RAD50: variants seen among roughly 807,000 people sequenced by gnomAD.
RAD50 encodes RAD50 double strand break repair protein.
In RAD50, 132 loss-of-function variants were observed where a neutral mutation model predicts 168.8. The observed-to-expected ratio is 0.78, with a 90% CI of 0.68 to 0.90. The LOEUF (loss-of-function observed/expected upper bound fraction) is 0.90. RAD50 is among the 40% of genes least tolerant of loss of function. RAD50 has a pLI of 0.00. For missense variants in RAD50, 1,347 were observed against 1,534.4 expected, an observed-to-expected ratio of 0.88 and a Z score of 2.04; for synonymous variants, 525 against 497.4, an observed-to-expected ratio of 1.06 and a Z score of -0.74.
chr5:132,631,923 G>A (rs1345345439), intron 21 of RAD50, among the ~76,000 whole-genome samples: 1 of 152,112 alleles, frequency 6.6e-6, no homozygotes, highest in Admixed American at 6.6e-5. Flanking sequence ...ACCTATTACC[G>A]TGGCACCTTT....
intron 2 of RAD50, among the ~76,000 whole-genome samples, chr5:132,565,030 A>C (rs886737442): frequency 2.0e-5 from 3 of 151,994 alleles, no homozygotes; most frequent in Non-Finnish European, 4.4e-5. Context: ...GGTTGGGGTG[A>C]TTGGATCATG....
At chr5:132,571,060 A>G (rs1167709966) in intron 2 of RAD50, among the ~76,000 whole-genome samples, 2 of 152,128 alleles carry the variant, frequency 1.3e-5, no homozygotes, top group Non-Finnish European at 2.9e-5. Flanking sequence ...AGCAGTCAGG[A>G]CACACACGTT....
chr5:132,603,207 T>C, intron 13 of RAD50, 93 bp from the exon 14 acceptor site: 1 of 1,149,270 alleles, frequency 8.7e-7, no homozygotes, highest in Admixed American at 2.2e-5. Context: ...GAACACAATG[T>C]CACTTCTGTG....
intron 21 of RAD50, among the ~76,000 whole-genome samples, chr5:132,622,471 T>TG (rs1751302858): frequency 6.6e-6 from 1 of 152,206 alleles, no homozygotes; most frequent in African/African-American, 2.4e-5. Flanking sequence ...TGATGTATTT[T>TG]CTTCCTTTGT....
rs1233183992 is a variant in RAD50, at chr5:132,638,240, C to G, written c.3618+17C>G. On this transcript the variant is annotated intron_variant, in intron 23 of 24. Transcript: ENST00000378823. ...GGACAAAAGGCAGGTATCTCAAAAG[C>G]CTGGGGAGCCAACTCACCCAAGTAA... 1.2e-6 allele frequency: 2 copies of G among 1,613,964 alleles called. No homozygotes were observed. The highest frequency in any genetic ancestry group is 1.3e-5 in the African/African-American group (1 of 75,022).
chr5:132,638,340 G>A, intron 23 of RAD50, 117 bp downstream of exon 23: 1 of 1,231,126 alleles, frequency 8.1e-7, no homozygotes, highest in Non-Finnish European at 1.2e-6. Context: ...GCTCTTTGCT[G>A]CTATATAAAA....
chr5:132,558,519 T>C (rs1313827157), intron 1 of RAD50, among the ~76,000 whole-genome samples: 1 of 152,010 alleles, frequency 6.6e-6, no homozygotes. Context: ...GAGACCAGCC[T>C]GGCCAACGTG....
chr5:132,625,409 TTTATTC>T (rs1486525047), intron 21 of RAD50, among the ~76,000 whole-genome samples: 1 of 152,178 alleles, frequency 6.6e-6, no homozygotes, highest in Non-Finnish European at 1.5e-5. Flanking sequence ...TAAAAAAAGT[TTTATTC>T]TTATTTTTTA....
chr5:132,615,891 C>A, intron 19 of RAD50, 112 bp from the exon 20 acceptor site: 1 of 1,072,852 alleles, frequency 9.3e-7, no homozygotes, highest in Non-Finnish European at 1.4e-6. Context: ...TGTTGAATTT[C>A]ACATGATTCT....
intron 21 of RAD50, 84 bp from the exon 22 acceptor site, chr5:132,637,024 TTTATATA>T (rs1280256144): frequency 1.1e-6 from 1 of 950,898 alleles, no homozygotes; most frequent in Non-Finnish European, 1.3e-6. Flanking sequence ...ATTTCTATTT[TTTATATA>T]TTATATATTT....
chr5:132,572,112 T>C (rs1750317343), intron 2 of RAD50, among the ~76,000 whole-genome samples: 1 of 152,116 alleles, frequency 6.6e-6, no homozygotes, highest in Non-Finnish European at 1.5e-5. Context: ...GCCACAGTAA[T>C]AGAATAAAGA....
intron 2 of RAD50, among the ~76,000 whole-genome samples, chr5:132,565,360 T>A (rs1419314911): frequency 3.9e-5 from 6 of 152,062 alleles, no homozygotes; most frequent in African/African-American, 1.5e-4. Context: ...ACTTAATCAA[T>A]CCTCCTGTAT....
chr5:132,593,288 A>C (rs958484588), intron 11 of RAD50: 1 of 163,644 alleles, frequency 6.1e-6, no homozygotes, highest in Non-Finnish European at 1.4e-5. Context: ...TAACCTTGTT[A>C]GTGCCTTAAA....
In RAD50 at chr5:132,642,722, GT is replaced by G. The variant is rs1172526197; in HGVS notation, c.*362del. 2.6e-6 allele frequency: 1 copy of G among 388,748 alleles called. No individual in the cohort carries two copies. Among genetic ancestry groups the G allele is most frequent in the East Asian group, 4.4e-5 (1 of 22,684 alleles). 24.1% of individuals were successfully genotyped at this position (388,748 alleles called of 1,614,324 possible). On this transcript the variant is annotated 3_prime_UTR_variant, in exon 25 of 25. Transcript: ENST00000378823. ...ATAATTACTGCCTTGAAAATTTATGGTTTTGGTATTTTTTTAAATCATAGTT... is the reference window on the plus strand; with the variant it reads ...ATAATTACTGCCTTGAAAATTTATGGTTTGGTATTTTTTTAAATCATAGTT...
chr5:132,599,075 G>T (rs901945648), intron 13 of RAD50, among the ~76,000 whole-genome samples: 2 of 152,206 alleles, frequency 1.3e-5, no homozygotes, highest in African/African-American at 4.8e-5. Context: ...TTTGCTGAAT[G>T]AATGAGAACT....
At chr5:132,608,371 A>G (rs2149849221) in intron 16 of RAD50, among the ~76,000 whole-genome samples, 1 of 152,296 alleles carries the variant, frequency 6.6e-6, no homozygotes, top group South Asian at 2.1e-4. Flanking sequence ...CTGGGTTAAA[A>G]TCTTGGCTGC....
intron 4 of RAD50, 67 bp downstream of exon 4, chr5:132,579,569 T>C: frequency 6.6e-7 from 1 of 1,506,818 alleles, no homozygotes; most frequent in Non-Finnish European, 9.2e-7. Flanking sequence ...ATTTGGATGC[T>C]TCTTTTTAAC....
At chr5:132,635,621 G>A (rs868761157) in intron 21 of RAD50, among the ~76,000 whole-genome samples, 4 of 152,200 alleles carry the variant, frequency 2.6e-5, no homozygotes, top group Admixed American at 6.5e-5. Flanking sequence ...GCACGTGTGC[G>A]CCTTGGCCAC....
chr5:132,595,701 G>A lies in RAD50; in HGVS notation c.2098G>A (p.Asp700Asn). Residue 700 changes from aspartate to asparagine, a missense_variant, in exon 13 of 25, where the codon GAT becomes AAT. Physicochemically the swap from Asp to Asn is conservative, Grantham distance 23. Transcript: ENST00000378823. ...TEAELQEVIS[D>N]LQSKLRLAPD... is the part of the protein sequence containing the mutation. ...GGCTGAGTTACAAGAAGTCATCAGT[G>A]ATTTGCAGTCTAAACTGCGACTTGC... 1 of 1,613,800 alleles carries A rather than the reference G, an allele frequency of 6.2e-7. No individual in the cohort carries two copies. Among genetic ancestry groups the A allele is most frequent in the Non-Finnish European group, 8.5e-7 (1 of 1,179,782 alleles).
Sources: allele counts gnomAD v4.1 joint callset (sites outside exome capture counted in the v4.1 genomes callset), GRCh38; gene constraint gnomAD v4.1.1; transcripts MANE v1.5; gene names NCBI Gene and HGNC (gene_info 2026-07-23, HGNC 2026-07-21).